The following SLFN13 variants were observed in gnomAD, a reference collection of about 807,000 sequenced individuals.
The protein encoded by SLFN13 is schlafen-13.
In SLFN13, 43 loss-of-function variants were observed where a neutral mutation model predicts 50.6. The observed-to-expected ratio is 0.85, with a 90% CI of 0.67 to 1.09. SLFN13 has a LOEUF of 1.09. Ranked by LOEUF, SLFN13 falls within the 50% of genes least tolerant of loss-of-function variation. The pLI is 0.00. For synonymous variants in SLFN13, 339 were observed against 386.5 expected (o/e 0.88, Z 1.44); for missense variants, 881 against 1,071.1 (o/e 0.82, Z 2.48).
rs1365473984 is a variant in SLFN13, at chr17:35,443,822, G to T, written c.1165C>A (p.His389Asn). ...AAATGTTGTTGTAGATCAGCTTTGT[G>T]TTCCAGACCTTTCTTAGAATACACT... is the stretch of plus-strand genomic sequence containing the variant. ...RPVYSKKGLE[H>N]KADLQQHLFP... Residue 389 changes from histidine (H) to asparagine (N), a missense_variant, in exon 4 of 6, where the codon CAC becomes AAC. Transcript: ENST00000285013. 1 of 1,613,226 alleles carries T rather than the reference G, an allele frequency of 6.2e-7. No homozygotes were observed. The highest frequency in any genetic ancestry group is 8.5e-7 in the Non-Finnish European group (1 of 1,179,316).
chr17:35,444,394 GT>G (rs1037238256), intron 3 of SLFN13, among the ~76,000 whole-genome samples: 5 of 152,130 alleles, frequency 3.3e-5, no homozygotes, highest in African/African-American at 1.2e-4. Flanking sequence ...AATTTCCAAG[GT>G]TTTTCCTTTG....
rs376409901 is a variant in SLFN13, at chr17:35,440,782, A to C, written c.2507T>G (p.Val836Gly). Residue 836 changes from valine (V) to glycine (G), a missense_variant, in exon 6 of 6, where the codon GTG (valine) becomes GGG (glycine). Transcript: ENST00000285013. ...CATATCACATGCATCACTGAGCTGC[A>C]CCACCATTTTCTTCCTCATTGCTTT... ...LLKAMRKKMV[V>G]QLSDACDMLG... 4 of 1,613,970 alleles carry C rather than the reference A, an allele frequency of 2.5e-6. No homozygotes were observed. In the African/African-American group the frequency reaches 5.3e-5, roughly 22 times the overall value.
rs890075641 is a variant in SLFN13 at position 35,438,600 on chromosome 17, T to C, written c.*1995A>G. 1 of 152,064 alleles carries C rather than the reference T, an allele frequency of 6.6e-6. No homozygotes were observed. Among genetic ancestry groups the C allele is most frequent in the Non-Finnish European group, 1.5e-5 (1 of 68,016 alleles). The allele number at this position is 152,064 out of a possible 1,614,324, so 9.4% of individuals were successfully genotyped here. ...AATGCAGCCAGAAAGAAAGAAGAAA[T>C]ATTTTTCTCCTTATTTTGCTGATCT... On this transcript the variant is annotated 3_prime_UTR_variant, in exon 6 of 6. Coordinates refer to ENST00000285013, the MANE Select transcript of SLFN13 (RefSeq NM_144682.6).
chr17:35,442,163 A>C lies in SLFN13; in HGVS notation c.1322T>G (p.Leu441Arg). ...CAGGTCCACAGCCCAGCTTCTAGAG[A>C]GGATCACAATTCCCTGGGAGAAAGG... ...MRPFSQGIVI[L>R]SRSWAVDLNL... is the part of the protein sequence containing the mutation. The change falls in exon 5 of 6, where the codon CTC becomes CGC. Residue 441 changes from leucine (L) to arginine (R), a missense_variant. Physicochemically the swap from Leu to Arg is moderately radical, Grantham distance 102. Coordinates refer to ENST00000285013, the MANE Select transcript of SLFN13 (RefSeq NM_144682.6). 1 of 1,614,186 alleles carries C rather than the reference A, an allele frequency of 6.2e-7. No individual in the cohort carries two copies. The highest frequency in any genetic ancestry group is 8.5e-7 in the Non-Finnish European group (1 of 1,180,032).
intron 2 of SLFN13, 121 bp from the exon 3 acceptor site, chr17:35,445,814 AAGAC>A: frequency 1.2e-6 from 1 of 840,980 alleles, no homozygotes; most frequent in Admixed American, 3.0e-5. Context: ...AATAGCAAGA[AAGAC>A]AGGTATAGTC....
chr17:35,449,530 A>G (rs1597814274), upstream of SLFN13, among the ~76,000 whole-genome samples: 2 of 152,296 alleles, frequency 1.3e-5, no homozygotes, highest in East Asian at 3.9e-4. Flanking sequence ...CCCCAGGTCA[A>G]AATGCGACGG....
chr17:35,445,308 A>T lies in SLFN13; in HGVS notation c.373T>A (p.Ser125Thr). Reference protein sequence around the residue: ...DPFLKDGSFNSRICSLSSSLY... With the variant: ...DPFLKDGSFNTRICSLSSSLY... ...GAAGAACTAAGGCTGCAAATGCGGG[A>T]ATTGAAAGAACCATCTTTAAGGAAA... Residue 125 changes from serine (S) to threonine (T), a missense_variant, in exon 3 of 6, where the codon TCC (serine) becomes ACC (threonine). Ser to Thr is a moderately conservative substitution (Grantham distance 58). Transcript: ENST00000285013. The T allele has an allele frequency of 6.2e-7, 1 of 1,613,864 alleles. No homozygotes were observed. Among genetic ancestry groups the T allele is most frequent in the South Asian group, 1.1e-5 (1 of 91,062 alleles).
Position 35,440,745 on chromosome 17 carries a change from G to A in SLFN13, c.2544C>T (p.His848=), listed in dbSNP as rs768926942. The part of the protein sequence containing the change: ...LSDACDMLGV[H]IVLDSVRRFS... ...ATCGCCGGACACTGTCCAACACAAT[G>A]TGCACACCCAACATATCACATGCAT... The change falls in exon 6 of 6, where the codon CAC becomes CAT. Residue 848 remains histidine, a synonymous_variant. Transcript: ENST00000285013. 1.6e-5 allele frequency: 26 copies of A among 1,613,926 alleles called. No homozygotes were observed. The highest frequency in any genetic ancestry group is 2.1e-5 in the Non-Finnish European group (25 of 1,180,016).
rs1912738000 is a variant in SLFN13 at position 35,439,374 on chromosome 17, A to G, written c.*1221T>C. 1 of 152,224 alleles carries G rather than the reference A, an allele frequency of 6.6e-6. No homozygotes were observed. Among genetic ancestry groups the G allele is most frequent in the African/African-American group, 2.4e-5 (1 of 41,476 alleles). 9.4% of individuals were successfully genotyped at this position (152,224 alleles called of 1,614,324 possible). A position where few individuals can be genotyped will look rare whatever the true frequency, so the allele number is the denominator to read the frequency against. ...ACTATGAAAGCAAATAGAAAAAAAAATCACAGTTCAAGAATGACATAAAAC... is the reference window on the plus strand; with the variant it reads ...ACTATGAAAGCAAATAGAAAAAAAAGTCACAGTTCAAGAATGACATAAAAC... On this transcript the variant is annotated 3_prime_UTR_variant, in exon 6 of 6. Coordinates refer to ENST00000285013, the MANE Select transcript of SLFN13 (RefSeq NM_144682.6).
At position 35,437,989 on chromosome 17, in the gene SLFN13, C is replaced by A. The variant is rs1451446478; in HGVS notation, c.*2606G>T. On this transcript the variant is annotated 3_prime_UTR_variant, in exon 6 of 6. Transcript: ENST00000285013. ...TGACACAGTGGCTCATGCCTATAATCCCAGCAATGGGAGGCTAAGGCAAGA... is the reference window on the plus strand; with the variant it reads ...TGACACAGTGGCTCATGCCTATAATACCAGCAATGGGAGGCTAAGGCAAGA... The A allele has an allele frequency of 6.6e-6, 1 of 152,052 alleles. No individual in the cohort carries two copies. Among genetic ancestry groups the A allele is most frequent in the Non-Finnish European group, 1.5e-5 (1 of 68,070 alleles). The allele number at this position is 152,052 out of a possible 1,614,324, so 9.4% of individuals were successfully genotyped here.
At position 35,440,564 on chromosome 17, in the gene SLFN13, T is replaced by C. The variant is rs765471439; in HGVS notation, c.*31A>G. On this transcript the variant is annotated 3_prime_UTR_variant, in exon 6 of 6. Coordinates refer to ENST00000285013, the MANE Select transcript of SLFN13 (RefSeq NM_144682.6). ...GTCACCCATAGACATTTACACAGTATTTTGGTTTGGAGTTCTTCCTAATAG... is the reference window on the plus strand; with the variant it reads ...GTCACCCATAGACATTTACACAGTACTTTGGTTTGGAGTTCTTCCTAATAG... 13 of 1,609,740 alleles carry C rather than the reference T, an allele frequency of 8.1e-6. No individual in the cohort carries two copies. In the Admixed American group the frequency reaches 2.0e-4, roughly 25 times the overall value.
Position 35,441,588 on chromosome 17 carries a change from T to A in SLFN13, c.1897A>T (p.Asn633Tyr). ...CTGATAAAGTTCCTCAGAGGCTGGT[T>A]TTCACAAACGTAGAGAATTCTGTGT... ...EAHRILYVCE[N>Y]QPLRNFISDR... is the part of the protein sequence containing the mutation. Residue 633 changes from asparagine to tyrosine, a missense_variant, in exon 5 of 6, where the codon AAC (asparagine) becomes TAC (tyrosine). Physicochemically the swap from Asn to Tyr is moderately radical, Grantham distance 143. Around this residue, in one of 5 missense-constraint regions of SLFN13, gnomAD observed 322 missense variants for 327.4 expected, o/e 0.98. Transcript: ENST00000285013. The A allele has an allele frequency of 1.2e-6, 2 of 1,603,878 alleles. No homozygotes were observed. Among genetic ancestry groups the A allele is most frequent in the Non-Finnish European group, 1.7e-6 (2 of 1,177,600 alleles).
rs1165606152 is a variant in SLFN13, at chr17:35,440,950, A to G, written c.2339T>C (p.Ile780Thr). 6.2e-7 allele frequency: 1 copy of G among 1,613,550 alleles called. No homozygotes were observed. The highest frequency in any genetic ancestry group is 1.1e-5 in the South Asian group (1 of 91,084). The change falls in exon 6 of 6, where the codon ATT becomes ACT. Residue 780 changes from isoleucine (I) to threonine (T), a missense_variant. Ile to Thr is a moderately conservative substitution (Grantham distance 89). Coordinates refer to ENST00000285013, the MANE Select transcript of SLFN13 (RefSeq NM_144682.6). Reference sequence around the variant, plus strand: ...TATTTGCTCCAAAGTAAAGTTTTTAATAATCTTTGTGTTGCCTGGAACACC... The same window carrying G: ...TATTTGCTCCAAAGTAAAGTTTTTAGTAATCTTTGTGTTGCCTGGAACACC... ...VPGVPGNTKIIKNFTLEQIVT... is the reference protein window; with the variant it reads ...VPGVPGNTKITKNFTLEQIVT...
chr17:35,444,510 T>C (rs1290764302), intron 3 of SLFN13, 105 bp downstream of exon 3: 4 of 1,031,868 alleles, frequency 3.9e-6, no homozygotes, highest in Non-Finnish European at 5.4e-6. Context: ...TTAGAGAAAG[T>C]AAATTTCAGT....
At position 35,440,907 on chromosome 17, in the gene SLFN13, G is replaced by T; in HGVS notation, c.2382C>A (p.Asp794Glu). 1 of 1,614,102 alleles carries T rather than the reference G, an allele frequency of 6.2e-7. No individual in the cohort carries two copies. Among genetic ancestry groups the T allele is most frequent in the South Asian group, 1.1e-5 (1 of 91,090 alleles). The part of the protein sequence containing the change: ...TLEQIVTYVA[D>E]TCRCFFERGY... ...CCCTTTCAAAGAAGCACCTGCAGGT[G>T]TCTGCCACATAGGTCACTATTTGCT... The change falls in exon 6 of 6, where the codon GAC becomes GAA. Residue 794 changes from aspartate (D) to glutamate (E), a missense_variant. Physicochemically the swap from Asp to Glu is conservative, Grantham distance 45. Around this residue, in one of 5 missense-constraint regions of SLFN13, gnomAD observed 322 missense variants for 327.4 expected, o/e 0.98. Transcript: ENST00000285013.
intron 1 of SLFN13, among the ~76,000 whole-genome samples, chr17:35,448,014 G>A (rs1290964535): frequency 6.7e-6 from 1 of 148,786 alleles, no homozygotes; most frequent in Non-Finnish European, 1.5e-5. Flanking sequence ...GCGCCACCAG[G>A]CCCGGTTAAT....
rs1912894360 is a variant in SLFN13, at chr17:35,441,558, C to T, written c.1922+5G>A. 2 of 1,609,974 alleles carry T rather than the reference C, an allele frequency of 1.2e-6. No homozygotes were observed. The highest frequency in any genetic ancestry group is 2.2e-5 in the South Asian group (2 of 90,404). ...AACTTAAAGACGTAAGATCCAACTG[C>T]TTACCTGATAAAGTTCCTCAGAGGC... On this transcript the variant is annotated splice_donor_5th_base_variant and intron_variant, in intron 5 of 5. Transcript: ENST00000285013.
chr17:35,437,241 G>A lies in SLFN13; in HGVS notation c.*3354C>T, dbSNP rs1912668145. ...GGGTCTTATTCTGTTGCCCAGGCTAGGATTCAGTGACACGATTATCGCTAA... is the reference window on the plus strand; with the variant it reads ...GGGTCTTATTCTGTTGCCCAGGCTAAGATTCAGTGACACGATTATCGCTAA... On this transcript the variant is annotated 3_prime_UTR_variant, in exon 6 of 6. Coordinates refer to ENST00000285013, the MANE Select transcript of SLFN13 (RefSeq NM_144682.6). 6.6e-6 allele frequency: 1 copy of A among 152,112 alleles called. No homozygotes were observed. Among genetic ancestry groups the A allele is most frequent in the African/African-American group, 2.4e-5 (1 of 41,510 alleles). 9.4% of individuals were successfully genotyped at this position (152,112 alleles called of 1,614,324 possible). A position where few individuals can be genotyped will look rare whatever the true frequency, so the allele number is the denominator to read the frequency against.
rs1912681605 is a variant in SLFN13 at position 35,437,753 on chromosome 17, C to T, written c.*2842G>A. Reference sequence around the variant, plus strand: ...TTTAAAAAAATTTTAAAAAGGAGGGCACTAAGTGGGGTATATAGGAACTTT... The same window carrying T: ...TTTAAAAAAATTTTAAAAAGGAGGGTACTAAGTGGGGTATATAGGAACTTT... On this transcript the variant is annotated 3_prime_UTR_variant, in exon 6 of 6. Coordinates refer to ENST00000285013, the MANE Select transcript of SLFN13 (RefSeq NM_144682.6). The T allele has an allele frequency of 1.3e-5, 2 of 151,526 alleles. No individual in the cohort carries two copies. The highest frequency in any genetic ancestry group is 1.3e-4 in the Admixed American group (2 of 15,212). The allele number at this position is 151,526 out of a possible 1,614,324, so 9.4% of individuals were successfully genotyped here.
Sources: gnomAD v4.1 joint callset for allele counts (sites outside exome capture counted in the v4.1 genomes callset) on GRCh38, gnomAD v4.1.1 for gene constraint, gnomAD v4.1.1 regional missense constraint, MANE v1.5 for transcripts, NCBI Gene and HGNC (gene_info 2026-07-23, HGNC 2026-07-21) for gene names.